The following TACC2 variants were observed in gnomAD, a reference collection of about 807,000 sequenced individuals.
TACC2 encodes the protein transforming acidic coiled-coil containing protein 2.
TACC2 carries 137 observed loss-of-function variants against 227.3 expected under a neutral mutation model. The observed-to-expected ratio is 0.60, with a 90% CI of 0.52 to 0.69. The LOEUF is 0.69. Among genes scored for constraint, TACC2 ranks in the 30% least tolerant of loss-of-function variants. The pLI is 0.00. For synonymous variants in TACC2, 1,523 were observed against 1,487.5 expected (o/e 1.02, Z -0.55); for missense variants, 3,470 against 3,694.4 (o/e 0.94, Z 1.57).
intron 19 of TACC2, chr10:122,247,992 A>G (rs1008198041): frequency 1.3e-5 from 2 of 152,294 alleles, no homozygotes; most frequent in African/African-American, 4.8e-5. Flanking sequence ...TCTCACCAGG[A>G]TCAGCCACTC....
chr10:122,081,207 T>C (rs1266206009), intron 3 of TACC2, among the ~76,000 whole-genome samples: 1 of 152,130 alleles, frequency 6.6e-6, no homozygotes, highest in African/African-American at 2.4e-5. Context: ...TGGCCACATA[T>C]TATTTTTAAA....
chr10:122,207,581 C>G (rs116806116), intron 8 of TACC2, among the ~76,000 whole-genome samples: 11 of 152,278 alleles, frequency 7.2e-5, no homozygotes, highest in African/African-American at 2.6e-4. Context: ...AGGACAGCCC[C>G]CAGCATAAAA....
chr10:122,205,481 G>A lies in TACC2; in HGVS notation c.5972-4916G>A, dbSNP rs1182081787. Among the ~76,000 whole-genome samples the A allele has an allele frequency of 6.6e-6, 1 of 152,184 alleles. No homozygotes were observed. The highest frequency in any genetic ancestry group is 2.4e-5 in the African/African-American group (1 of 41,446). ...GGGGTAAAAACCCCACAGGAACTTG[G>A]AGCTCAAAGGCCCATCCAAGCTTAT... On this transcript the variant is annotated intron_variant, in intron 8 of 22. Transcript: ENST00000369005. This position sits in a 1 kb window ranked among gnomAD's most constrained non-coding sequence, Gnocchi z 4.5.
At chr10:122,223,541 A>G (rs1468082654) in intron 11 of TACC2, among the ~76,000 whole-genome samples, 2 of 152,196 alleles carry the variant, frequency 1.3e-5, no homozygotes, top group Admixed American at 1.3e-4. Context: ...CATGCTGAGT[A>G]GAAGGATATG....
chr10:122,213,214 A>G, intron 9 of TACC2: 1 of 901,540 alleles, frequency 1.1e-6, no homozygotes. Flanking sequence ...TCCTTCCAAA[A>G]AGCTGGGGCA....
chr10:122,029,813 G>A (rs574892381), intron 2 of TACC2, among the ~76,000 whole-genome samples: 1 of 151,694 alleles, frequency 6.6e-6, no homozygotes, highest in African/African-American at 2.4e-5. Context: ...AAACCAAGCA[G>A]CTCAGGTTCA....
intron 2 of TACC2, among the ~76,000 whole-genome samples, chr10:122,032,516 G>A (rs1236315941): frequency 1.3e-5 from 2 of 152,156 alleles, no homozygotes; most frequent in Admixed American, 1.3e-4. Flanking sequence ...TGTGTCACTA[G>A]GGCAAAGGGT....
intron 5 of TACC2, among the ~76,000 whole-genome samples, chr10:122,099,171 C>T (rs1304106261): frequency 2.0e-5 from 3 of 152,186 alleles, no homozygotes; most frequent in Non-Finnish European, 4.4e-5. Flanking sequence ...GTCATCTGGC[C>T]CTGCCTGCCA....
Position 122,211,169 on chromosome 10 carries a change from G to A in TACC2, c.6744G>A (p.Ser2248=), listed in dbSNP as rs35532970. 3.7e-6 allele frequency: 6 copies of A among 1,612,202 alleles called. No homozygotes were observed. Among genetic ancestry groups the A allele is most frequent in the South Asian group, 2.2e-5 (2 of 90,746 alleles). The change falls in exon 9 of 23, where the codon TCG becomes TCA. Residue 2248 remains serine (S), a synonymous_variant. Coordinates refer to ENST00000369005, the MANE Select transcript of TACC2 (RefSeq NM_206862.4). ...CGGAGGCAGGGGAGGTAACCCCATC[G>A]GATAGCGGGGGGCAAGAGGACTCTC... ...TAPEAGEVTP[S]DSGGQEDSPA...
intron 11 of TACC2, 105 bp downstream of exon 11, chr10:122,216,933 A>C (rs766069045): frequency 6.3e-7 from 1 of 1,595,318 alleles, no homozygotes; most frequent in Admixed American, 1.8e-5. Flanking sequence ...TAACCACGTG[A>C]TCATCATTGT....
intron 5 of TACC2, among the ~76,000 whole-genome samples, chr10:122,117,887 T>G (rs1565348415): frequency 6.6e-6 from 1 of 152,206 alleles, no homozygotes; most frequent in Non-Finnish European, 1.5e-5. Flanking sequence ...GGATCTTTTT[T>G]CTTCCTCCTT....
At chr10:122,113,109 C>G (rs1436947788) in intron 5 of TACC2, 1 of 152,316 alleles carries the variant, frequency 6.6e-6, no homozygotes, top group Admixed American at 6.5e-5. Flanking sequence ...CCGCACCGGA[C>G]CGTGGTGACC....
At position 122,014,227 on chromosome 10, in the gene TACC2, AT is replaced by A. The variant is rs397731091; in HGVS notation, c.-45-7697del. 7.9e-4 allele frequency among the ~76,000 whole-genome samples: 115 copies of A among 145,066 alleles called. 1 individual carries two copies. Among genetic ancestry groups the A allele is most frequent in the African/African-American group, 1.7e-3 (65 of 39,314 alleles). ...CCATTGATGAAATGAGACCTGTGTA[AT>A]TTTTTTTTTTTTGAGTTTTGCTCCA... On this transcript the variant is annotated intron_variant, in intron 1 of 22. Coordinates refer to ENST00000369005, the MANE Select transcript of TACC2 (RefSeq NM_206862.4).
chr10:122,098,585 C>T (rs1591978833), intron 5 of TACC2, among the ~76,000 whole-genome samples: 1 of 152,180 alleles, frequency 6.6e-6, no homozygotes, highest in South Asian at 2.1e-4. Context: ...CTAGGGTCCA[C>T]CACAGAGAGT....
At chr10:122,098,751 G>A (rs888939208) in intron 5 of TACC2, among the ~76,000 whole-genome samples, 20 of 152,142 alleles carry the variant, frequency 1.3e-4, no homozygotes, top group Non-Finnish European at 4.4e-5. Context: ...TAGATTAATG[G>A]TAGGTACCTG....
chr10:122,098,526 C>T (rs1291621624), intron 5 of TACC2, among the ~76,000 whole-genome samples: 5 of 152,174 alleles, frequency 3.3e-5, no homozygotes, highest in African/African-American at 1.2e-4. Flanking sequence ...TACCCTCGAG[C>T]AAGTTCCTTA....
chr10:122,010,481 C>A (rs538022085), intron 1 of TACC2, among the ~76,000 whole-genome samples: 72 of 152,176 alleles, frequency 4.7e-4, no homozygotes, highest in Non-Finnish European at 8.8e-4. Flanking sequence ...CCCTTTACTG[C>A]AAATCATGTT....
intron 8 of TACC2, among the ~76,000 whole-genome samples, chr10:122,200,100 G>A (rs549558790): frequency 3.9e-5 from 6 of 152,338 alleles, no homozygotes; most frequent in South Asian, 4.1e-4. Context: ...ACAGGCACTC[G>A]GGCCCTCTTG....
At chr10:122,160,126 C>T (rs140358912) in intron 7 of TACC2, among the ~76,000 whole-genome samples, 10 of 152,294 alleles carry the variant, frequency 6.6e-5, no homozygotes, top group African/African-American at 2.4e-4. Flanking sequence ...CACTTATAGG[C>T]CAGGCACATA....
Sources: gnomAD v4.1 joint callset for allele counts (sites outside exome capture counted in the v4.1 genomes callset) on GRCh38, gnomAD v4.1.1 for gene constraint, Gnocchi (gnomAD v3.1) non-coding constraint, MANE v1.5 for transcripts, NCBI Gene and HGNC (gene_info 2026-07-23, HGNC 2026-07-21) for gene names.